Variants in TNNI3K observed in about 807,000 individuals in gnomAD.
TNNI3K encodes the protein serine/threonine-protein kinase TNNI3K.
Under a neutral mutation model 114.5 loss-of-function variants are expected in TNNI3K, and 140 were observed. The observed-to-expected ratio is 1.22, with a 90% confidence interval of 1.07 to 1.41. TNNI3K has a LOEUF of 1.41. Ranked by LOEUF, TNNI3K falls within the 40% of genes most tolerant of loss-of-function variation. The pLI is 0.00. For synonymous variants in TNNI3K, 347 were observed against 347.5 expected (o/e 1.00, Z 0.02); for missense variants, 1,125 against 1,007.6 (o/e 1.12, Z -1.58).
At position 74,414,749 on chromosome 1, in the gene TNNI3K, G is replaced by C. The variant is rs141268644; in HGVS notation, c.1773-21331G>C. Reference sequence around the variant, plus strand: ...ATTCTGTCAACTCTCTTGAATGTATGTGCAGAATTAGACTGTTTCTCACTA... The same window carrying C: ...ATTCTGTCAACTCTCTTGAATGTATCTGCAGAATTAGACTGTTTCTCACTA... On this transcript the variant is annotated intron_variant, in intron 17 of 24. Transcript: ENST00000326637. Among the ~76,000 whole-genome samples the C allele has an allele frequency of 2.4e-3, 371 of 152,250 alleles. 2 individuals carry two copies. The highest frequency in any genetic ancestry group is 0.014 in the Middle Eastern group (4 of 294).
At chr1:74,455,812 C>G (rs568230308) in intron 20 of TNNI3K, among the ~76,000 whole-genome samples, 1 of 152,296 alleles carries the variant, frequency 6.6e-6, no homozygotes, top group East Asian at 1.9e-4. Flanking sequence ...TTGGATGATG[C>G]CTGCCCACAT....
intron 4 of TNNI3K, among the ~76,000 whole-genome samples, chr1:74,257,398 G>A (rs1439286676): frequency 6.6e-6 from 1 of 151,978 alleles, no homozygotes; most frequent in East Asian, 1.9e-4. Flanking sequence ...TCTATTTCAT[G>A]TTGACTACAG....
chr1:74,254,896 ATG>A (rs369326695), intron 4 of TNNI3K, among the ~76,000 whole-genome samples: 5 of 152,168 alleles, frequency 3.3e-5, no homozygotes, highest in African/African-American at 1.2e-4. Context: ...ACATGGGGAG[ATG>A]TGTTCTGCTG....
At chr1:74,249,851 A>C (rs908677735) in intron 3 of TNNI3K, among the ~76,000 whole-genome samples, 1 of 152,322 alleles carries the variant, frequency 6.6e-6, no homozygotes, top group African/African-American at 2.4e-5. Flanking sequence ...ATTCAGAAGC[A>C]CTTAAAGATT....
Position 74,428,901 on chromosome 1 carries a change from C to T in TNNI3K, c.1773-7179C>T, listed in dbSNP as rs142137439. Among the ~76,000 whole-genome samples the T allele has an allele frequency of 4.5e-4, 69 of 152,268 alleles. 1 individual carries two copies. In the East Asian group the frequency reaches 0.013, roughly 29 times the overall value. On this transcript the variant is annotated intron_variant, in intron 17 of 24. Transcript: ENST00000326637. Reference sequence around the variant, plus strand: ...AGTGAGCTATGATCACACCACTGCACTCCAGCACTCCAGCCTGGGCAACAG... The same window carrying T: ...AGTGAGCTATGATCACACCACTGCATTCCAGCACTCCAGCCTGGGCAACAG...
chr1:74,488,883 T>C (rs1668898690), intron 21 of TNNI3K, among the ~76,000 whole-genome samples: 1 of 152,200 alleles, frequency 6.6e-6, no homozygotes, highest in South Asian at 2.1e-4. Context: ...ACTATTATTC[T>C]TTCATTTTGA....
chr1:74,355,509 C>T (rs1347889359), intron 11 of TNNI3K, among the ~76,000 whole-genome samples: 3 of 152,014 alleles, frequency 2.0e-5, no homozygotes, highest in Non-Finnish European at 4.4e-5. Context: ...GAGGCTGAGG[C>T]AGGAGAATCA....
intron 5 of TNNI3K, among the ~76,000 whole-genome samples, chr1:74,314,724 C>T (rs1444215356): frequency 1.3e-5 from 2 of 152,026 alleles, no homozygotes; most frequent in Admixed American, 6.6e-5. Context: ...AAATGAAATG[C>T]TGATAGTGAA....
At chr1:74,368,274 G>T (rs1173199079) in intron 13 of TNNI3K, among the ~76,000 whole-genome samples, 4 of 151,518 alleles carry the variant, frequency 2.6e-5, no homozygotes, top group Admixed American at 2.0e-4. Context: ...GGAGAATTGG[G>T]ACTAGAAAAC....
intron 17 of TNNI3K, among the ~76,000 whole-genome samples, chr1:74,429,757 G>A (rs889203668): frequency 8.5e-5 from 13 of 152,114 alleles, no homozygotes; most frequent in African/African-American, 3.1e-4. Context: ...ACAGTGTGAT[G>A]AGATTGAAAA....
rs1422567668 is a variant in TNNI3K at position 74,367,888 on chromosome 1, T to C, written c.1265-20T>C. 7 of 1,563,754 alleles carry C rather than the reference T, an allele frequency of 4.5e-6. No individual in the cohort carries two copies. The highest frequency in any genetic ancestry group is 6.0e-6 in the Non-Finnish European group (7 of 1,160,906). On this transcript the variant is annotated intron_variant, in intron 12 of 24. Transcript: ENST00000326637. The stretch of plus-strand genomic sequence containing the variant: ...AAAATGATCGCTACTTTCAACTCTA[T>C]TATATAATTTAATTTCTAGATGGCT...
At chr1:74,328,196 T>C (rs772503771) in intron 5 of TNNI3K, among the ~76,000 whole-genome samples, 1 of 152,138 alleles carries the variant, frequency 6.6e-6, no homozygotes, top group Non-Finnish European at 1.5e-5. Context: ...TACATCCAAT[T>C]TAACAATTAT....
At chr1:74,289,114 A>G (rs1232672671) in intron 5 of TNNI3K, among the ~76,000 whole-genome samples, 1 of 151,960 alleles carries the variant, frequency 6.6e-6, no homozygotes, top group Non-Finnish European at 1.5e-5. Flanking sequence ...GTGTATATAA[A>G]TATCCAAAGA....
intron 20 of TNNI3K, among the ~76,000 whole-genome samples, chr1:74,452,456 T>A (rs1358450407): frequency 5.9e-5 from 9 of 152,176 alleles, no homozygotes; most frequent in Admixed American, 5.9e-4. Flanking sequence ...TTTATTTATT[T>A]CTCTCTTTCT....
intron 5 of TNNI3K, among the ~76,000 whole-genome samples, chr1:74,314,932 A>G (rs1193244607): frequency 6.6e-6 from 1 of 152,126 alleles, no homozygotes; most frequent in Non-Finnish European, 1.5e-5. Context: ...AAGCAATTTG[A>G]AACTTTTGTT....
At chr1:74,247,188 C>T (rs553729384) in intron 2 of TNNI3K, among the ~76,000 whole-genome samples, 1 of 152,240 alleles carries the variant, frequency 6.6e-6, no homozygotes, top group South Asian at 2.1e-4. Context: ...TTCCGAGTTT[C>T]TTCCTTCTGG....
intron 17 of TNNI3K, among the ~76,000 whole-genome samples, chr1:74,401,336 T>G (rs772331304): frequency 1.3e-5 from 2 of 152,218 alleles, no homozygotes; most frequent in African/African-American, 2.4e-5. Flanking sequence ...AAGAAAAATG[T>G]TTTTCAAACT....
chr1:74,328,762 G>A (rs914209207), intron 5 of TNNI3K, among the ~76,000 whole-genome samples: 13 of 152,068 alleles, frequency 8.5e-5, no homozygotes, highest in Admixed American at 7.2e-4. Flanking sequence ...GTTTATTAAA[G>A]CCTAAGAACT....
chr1:74,386,174 C>T (rs553933147), intron 17 of TNNI3K, among the ~76,000 whole-genome samples: 15 of 152,114 alleles, frequency 9.9e-5, no homozygotes, highest in Admixed American at 1.3e-4. Flanking sequence ...CATGTGGAAC[C>T]GTGAGTCAAT....
Sources: allele counts gnomAD v4.1 joint callset (sites outside exome capture counted in the v4.1 genomes callset), GRCh38; gene constraint gnomAD v4.1.1; transcripts MANE v1.5; gene names NCBI Gene and HGNC (gene_info 2026-07-23, HGNC 2026-07-21).